SLC44A5: variants seen among roughly 807,000 people sequenced by gnomAD.
SLC44A5 encodes the protein choline transporter-like protein 5.
In SLC44A5, 57 loss-of-function variants were observed where a neutral mutation model predicts 101.8. That is an observed-to-expected ratio of 0.56 (90% CI 0.45 to 0.70). SLC44A5 has a LOEUF of 0.70. Among genes scored for constraint, SLC44A5 ranks in the 30% least tolerant of loss-of-function variants. SLC44A5 has a pLI of 0.00. For missense variants in SLC44A5, 737 were observed against 853.1 expected (o/e 0.86, Z 1.70); for synonymous variants, 281 against 290.9 (o/e 0.97, Z 0.35).
chr1:75,212,316 G>A (rs866325707), intron 22 of SLC44A5, among the ~76,000 whole-genome samples: 21 of 151,894 alleles, frequency 1.4e-4, no homozygotes, highest in East Asian at 1.9e-4. Context: ...TATCCAATAG[G>A]TAGTTTTTCG....
intron 4 of SLC44A5, among the ~76,000 whole-genome samples, chr1:75,306,819 C>A (rs1348920348): frequency 1.4e-5 from 2 of 143,696 alleles, no homozygotes. Context: ...ACTGCAAGCT[C>A]CGCCTCCCGG....
chr1:75,537,034 A>AAATATATATATATATG (rs1553199990), intron 2 of SLC44A5, among the ~76,000 whole-genome samples: 1 of 18,646 alleles, frequency 5.4e-5, no homozygotes, highest in African/African-American at 1.0e-4. Context: ...AAAAAAAAAA[A>AAATATATATATATATG]TATATATCTA....
chr1:75,402,732 C>A (rs1361461515), intron 2 of SLC44A5, among the ~76,000 whole-genome samples: 1 of 152,054 alleles, frequency 6.6e-6, no homozygotes, highest in Non-Finnish European at 1.5e-5. Flanking sequence ...ACCACCACAC[C>A]ACCAGGGCCC....
intron 3 of SLC44A5, among the ~76,000 whole-genome samples, chr1:75,390,295 C>T (rs1255247733): frequency 6.6e-6 from 1 of 151,284 alleles, no homozygotes; most frequent in African/African-American, 2.4e-5. Flanking sequence ...AGACTCCTCC[C>T]TAATTCATTC....
the SLC44A5 span, among the ~76,000 whole-genome samples, chr1:75,721,178 G>A: frequency 6.6e-6 from 1 of 152,168 alleles, no homozygotes; most frequent in Non-Finnish European, 1.5e-5. Flanking sequence ...ATGGCCTGAA[G>A]TAGTCTTTCA....
At chr1:75,676,236 T>C in the SLC44A5 span, among the ~76,000 whole-genome samples, 1 of 152,140 alleles carries the variant, frequency 6.6e-6, no homozygotes, top group Non-Finnish European at 1.5e-5. Context: ...ATTATAAAAA[T>C]ACATGCACAC....
At chr1:75,670,992 C>T in the SLC44A5 span, among the ~76,000 whole-genome samples, 1 of 152,176 alleles carries the variant, frequency 6.6e-6, no homozygotes, top group African/African-American at 2.4e-5. Context: ...ACAGGAAGCA[C>T]TGCACGTAAC....
intron 4 of SLC44A5, among the ~76,000 whole-genome samples, chr1:75,311,162 G>C (rs538303824): frequency 1.3e-5 from 2 of 150,404 alleles, no homozygotes; most frequent in East Asian, 3.9e-4. Flanking sequence ...TGTCACCCAA[G>C]TTGGAGTGCA....
chr1:75,412,863 T>G (rs1329841505), intron 2 of SLC44A5, among the ~76,000 whole-genome samples: 1 of 152,132 alleles, frequency 6.6e-6, no homozygotes, highest in Non-Finnish European at 1.5e-5. Context: ...GCTCCTGACA[T>G]CCAGCCATTG....
chr1:75,595,356 C>A (rs1211281894), intron 1 of SLC44A5, among the ~76,000 whole-genome samples: 1 of 152,014 alleles, frequency 6.6e-6, no homozygotes, highest in African/African-American at 2.4e-5. Context: ...CTGCCCAAAG[C>A]ATACCAGATT....
At chr1:75,552,815 T>A (rs1482322908) in intron 1 of SLC44A5, among the ~76,000 whole-genome samples, 1 of 152,144 alleles carries the variant, frequency 6.6e-6, no homozygotes, top group African/African-American at 2.4e-5. Flanking sequence ...GGTGGCATAC[T>A]TTCTAGAAAT....
chr1:75,580,095 CAG>C (rs1673597678), intron 1 of SLC44A5, among the ~76,000 whole-genome samples: 1 of 151,794 alleles, frequency 6.6e-6, no homozygotes. Flanking sequence ...ATATTAACAG[CAG>C]AGAGTCTTTC....
intron 4 of SLC44A5, among the ~76,000 whole-genome samples, chr1:75,321,450 C>CAGAGAG (rs58617518): frequency 4.9e-4 from 71 of 146,276 alleles, no homozygotes; most frequent in African/African-American, 1.3e-3. Flanking sequence ...TGTTATATGG[C>CAGAGAG]AGAGAGAGAG....
intron 2 of SLC44A5, among the ~76,000 whole-genome samples, chr1:75,455,790 A>C (rs979208128): frequency 3.3e-5 from 5 of 152,192 alleles, no homozygotes; most frequent in African/African-American, 1.2e-4. Context: ...GAGAAATCCA[A>C]ATCAAAACCG....
intron 2 of SLC44A5, among the ~76,000 whole-genome samples, chr1:75,432,315 A>G (rs891459583): frequency 3.9e-5 from 6 of 152,192 alleles, no homozygotes; most frequent in Non-Finnish European, 7.4e-5. Context: ...GGCTGTTTCA[A>G]CTAGCCCCTG....
chr1:75,586,198 T>C (rs540206633), intron 1 of SLC44A5, among the ~76,000 whole-genome samples: 1 of 152,236 alleles, frequency 6.6e-6, no homozygotes, highest in African/African-American at 2.4e-5. Flanking sequence ...TAAGGGAGAA[T>C]CTGCTTTCTC....
the SLC44A5 span, among the ~76,000 whole-genome samples, chr1:75,623,848 C>T: frequency 3.3e-5 from 5 of 151,982 alleles, no homozygotes; most frequent in African/African-American, 1.2e-4. Flanking sequence ...CTCTGGAGCC[C>T]GTCATTGAGT....
At chr1:75,309,175 G>A (rs777458211) in intron 4 of SLC44A5, among the ~76,000 whole-genome samples, 3 of 152,128 alleles carry the variant, frequency 2.0e-5, no homozygotes, top group Non-Finnish European at 2.9e-5. Flanking sequence ...CTGGCATAGC[G>A]GCTCATGCCT....
At chr1:75,391,620 G>T (rs1661794423) in intron 3 of SLC44A5, among the ~76,000 whole-genome samples, 1 of 152,102 alleles carries the variant, frequency 6.6e-6, no homozygotes, top group African/African-American at 2.4e-5. Flanking sequence ...AAGCAATAAG[G>T]AAAGGACTCC....
Sources: allele counts gnomAD v4.1 joint callset (sites outside exome capture counted in the v4.1 genomes callset), GRCh38; gene constraint gnomAD v4.1.1; transcripts MANE v1.5; gene names NCBI Gene and HGNC (gene_info 2026-07-23, HGNC 2026-07-21).